The following CXXC5 variants were observed in gnomAD, a reference collection of about 807,000 sequenced individuals.
CXXC5 encodes the protein CXXC finger protein 5, also known as CXXC-type zinc finger protein 5.
In CXXC5, 2 loss-of-function variants were observed where a neutral mutation model predicts 17.6. The observed-to-expected ratio is 0.11, with a 90% CI of 0.05 to 0.36. CXXC5 has a LOEUF of 0.36. Ranked by LOEUF, CXXC5 falls within the 10% of genes least tolerant of loss-of-function variation. The pLI, the probability that CXXC5 is intolerant of heterozygous loss-of-function variation, is 1.00. For missense variants in CXXC5, 343 were observed against 458.3 expected, an observed-to-expected ratio of 0.75 and a Z score of 2.30; for synonymous variants, 171 against 193.0, an observed-to-expected ratio of 0.89 and a Z score of 0.94.
At position 139,668,475 on chromosome 5, in the gene CXXC5, ACTGCCCGCTCCAGGCCCG is replaced by A. The variant is rs542635686; in HGVS notation, c.-160-11870_-160-11853del. Among the ~76,000 whole-genome samples, 351 of 151,782 alleles carry A rather than the reference ACTGCCCGCTCCAGGCCCG, an allele frequency of 2.3e-3. 1 individual carries two copies. The highest frequency in any genetic ancestry group is 2.4e-3 in the Non-Finnish European group (163 of 67,898). ...GGCCCGGCTACCTCCCGCGCCGCCC[ACTGCCCGCTCCAGGCCCG>A]CTGCCCGCTCCAGGCCCGAGGTGAT... On this transcript the variant is annotated intron_variant, in intron 1 of 2. Transcript: ENST00000302517. This position sits in a 1 kb window ranked among gnomAD's most constrained non-coding sequence, Gnocchi z 4.1.
intron 1 of CXXC5, among the ~76,000 whole-genome samples, chr5:139,653,103 C>G (rs1755298871): frequency 6.6e-6 from 1 of 152,064 alleles, no homozygotes; most frequent in African/African-American, 2.4e-5. Context: ...ACCTCTCACA[C>G]CCAGTCCTTC....
At chr5:139,671,408 G>A (rs1756460440) in intron 1 of CXXC5, among the ~76,000 whole-genome samples, 1 of 152,234 alleles carries the variant, frequency 6.6e-6, no homozygotes, top group Non-Finnish European at 1.5e-5. Context: ...TCCTCCAGCT[G>A]TGGACTGCTG....
At chr5:139,678,811 G>A (rs762837884) in intron 1 of CXXC5, among the ~76,000 whole-genome samples, 4 of 152,172 alleles carry the variant, frequency 2.6e-5, no homozygotes, top group Admixed American at 1.3e-4. Context: ...CCAGATGTGC[G>A]CCTCCCCCTT....
At chr5:139,677,813 G>A (rs994790914) in intron 1 of CXXC5, among the ~76,000 whole-genome samples, 22 of 152,228 alleles carry the variant, frequency 1.4e-4, no homozygotes, top group Admixed American at 6.5e-4. Context: ...GACTCAGGAC[G>A]GAGACAAAAG....
intron 1 of CXXC5, among the ~76,000 whole-genome samples, chr5:139,673,402 A>G (rs918705558): frequency 3.9e-5 from 6 of 152,116 alleles, no homozygotes; most frequent in African/African-American, 1.2e-4. Context: ...CTATTGAGGA[A>G]AGGGCCTGTC....
intron 2 of CXXC5, among the ~76,000 whole-genome samples, chr5:139,682,439 G>A (rs956007341): frequency 6.0e-5 from 9 of 148,970 alleles, no homozygotes; most frequent in Non-Finnish European, 1.2e-4. Context: ...ACATAGACAC[G>A]GCCGCTTGAG....
chr5:139,652,479 T>C (rs1327579921), intron 1 of CXXC5, among the ~76,000 whole-genome samples: 1 of 152,034 alleles, frequency 6.6e-6, no homozygotes, highest in Non-Finnish European at 1.5e-5. Flanking sequence ...CCAGAGGCAG[T>C]GTCAGCTGAC....
At chr5:139,652,150 G>A (rs1405850073) in intron 1 of CXXC5, among the ~76,000 whole-genome samples, 20 of 27,832 alleles carry the variant, frequency 7.2e-4, no homozygotes, top group African/African-American at 1.4e-3. Context: ...AGCCGCCGGC[G>A]CGCGCGCGCG....
chr5:139,679,456 G>T (rs904442996), intron 1 of CXXC5, among the ~76,000 whole-genome samples: 3 of 152,144 alleles, frequency 2.0e-5, no homozygotes, highest in African/African-American at 7.2e-5. Context: ...CTGAAATAAG[G>T]GTTCTGCACT....
At chr5:139,676,566 ACTCCTCCCCAT>A (rs1756843447) in intron 1 of CXXC5, among the ~76,000 whole-genome samples, 2 of 55,936 alleles carry the variant, frequency 3.6e-5, no homozygotes, top group African/African-American at 7.8e-5. Flanking sequence ...TCCTCCCCAG[ACTCCTCCCCAT>A]CTCCTCCCCA....
At chr5:139,682,762 T>C (rs1581639942) in intron 2 of CXXC5, 101 bp from the exon 3 acceptor site, 1 of 1,221,964 alleles carries the variant, frequency 8.2e-7, no homozygotes, top group Non-Finnish European at 1.1e-6. Flanking sequence ...TCCATGCCTG[T>C]CCCTCCGCCA....
intron 1 of CXXC5, among the ~76,000 whole-genome samples, chr5:139,653,966 C>CA (rs1755348611): frequency 1.3e-5 from 2 of 152,152 alleles, no homozygotes; most frequent in Non-Finnish European, 2.9e-5. Context: ...CCCTGGGGAC[C>CA]AACAAGACAG....
intron 1 of CXXC5, among the ~76,000 whole-genome samples, chr5:139,666,494 C>A (rs1393570635): frequency 6.6e-6 from 1 of 152,188 alleles, no homozygotes; most frequent in Non-Finnish European, 1.5e-5. Context: ...TCTGCAGGAG[C>A]GTGGGCTTTG....
intron 1 of CXXC5, among the ~76,000 whole-genome samples, chr5:139,660,747 A>G (rs1232133873): frequency 6.9e-6 from 1 of 145,468 alleles, no homozygotes; most frequent in African/African-American, 2.6e-5. Context: ...TGGGGGGCCT[A>G]TATTTAGTCA....
intron 1 of CXXC5, among the ~76,000 whole-genome samples, chr5:139,669,416 C>T (rs1280555227): frequency 6.6e-6 from 1 of 152,048 alleles, no homozygotes; most frequent in East Asian, 1.9e-4. Flanking sequence ...GGGACAACCG[C>T]CATAGCGGGA....
chr5:139,679,469 T>C (rs1255416583), intron 1 of CXXC5, among the ~76,000 whole-genome samples: 1 of 152,178 alleles, frequency 6.6e-6, no homozygotes, highest in Non-Finnish European at 1.5e-5. Context: ...TCTGCACTCA[T>C]TGGCAAACTG....
Position 139,683,840 on chromosome 5 carries a change from A to C in CXXC5, c.*933A>C, listed in dbSNP as rs1757396727. 6.6e-6 allele frequency: 1 copy of C among 152,490 alleles called. No homozygotes were observed. Among genetic ancestry groups the C allele is most frequent in the African/African-American group, 2.4e-5 (1 of 41,438 alleles). 9.4% of individuals were successfully genotyped at this position (152,490 alleles called of 1,614,324 possible). A position where few individuals can be genotyped will look rare whatever the true frequency, so the allele number is the denominator to read the frequency against. ...GCTGTTTGTATTGTTTTAGGAAACCAGGCTGTTTTGTGAATAAAACGAATG... is the reference window on the plus strand; with the variant it reads ...GCTGTTTGTATTGTTTTAGGAAACCCGGCTGTTTTGTGAATAAAACGAATG... On this transcript the variant is annotated 3_prime_UTR_variant, in exon 3 of 3. Transcript: ENST00000302517.
At position 139,670,326 on chromosome 5, in the gene CXXC5, C is replaced by A. The variant is rs1360337625; in HGVS notation, c.-160-10038C>A. Among the ~76,000 whole-genome samples the A allele has an allele frequency of 6.6e-6, 1 of 152,210 alleles. No homozygotes were observed. The highest frequency in any genetic ancestry group is 1.5e-5 in the Non-Finnish European group (1 of 68,028). ...GAGCTGTTGGACCTTGAACAGCAGA[C>A]AAGACAGGTGTCCCCCTTAGAGCTG... On this transcript the variant is annotated intron_variant, in intron 1 of 2. Transcript: ENST00000302517. This position sits in a 1 kb window ranked among gnomAD's most constrained non-coding sequence, Gnocchi z 4.2.
Position 139,680,857 on chromosome 5 carries a change from G to A in CXXC5, c.334G>A (p.Ala112Thr). ...CAAGGCCACTGCGGCTGCAGCCGCT[G>A]CCTCCCTGTTGGCCAATGGGCATGA... is the stretch of plus-strand genomic sequence containing the variant. ...ADKATAAAAAASLLANGHDLA... is the reference protein window; with the variant it reads ...ADKATAAAAATSLLANGHDLA... The change falls in exon 2 of 3, where the codon GCC becomes ACC. Residue 112 changes from alanine (A) to threonine (T), a missense_variant. By Grantham distance (58) the Ala-to-Thr change is moderately conservative. This residue lies in a region of CXXC5 where 297 missense variants were observed against 363.4 expected (regional missense o/e 0.82). Coordinates refer to ENST00000302517, the MANE Select transcript of CXXC5 (RefSeq NM_016463.9). 6.2e-7 allele frequency: 1 copy of A among 1,610,056 alleles called. No individual in the cohort carries two copies. The highest frequency in any genetic ancestry group is 1.1e-5 in the South Asian group (1 of 91,078).
Sources: gnomAD v4.1 joint callset for allele counts (sites outside exome capture counted in the v4.1 genomes callset) on GRCh38, gnomAD v4.1.1 for gene constraint, gnomAD v4.1.1 regional missense constraint, Gnocchi (gnomAD v3.1) non-coding constraint, MANE v1.5 for transcripts, NCBI Gene and HGNC (gene_info 2026-07-23, HGNC 2026-07-21) for gene names.